Variants in DSE observed in about 807,000 individuals in gnomAD.
DSE encodes the protein dermatan-sulfate epimerase.
DSE carries 36 observed loss-of-function variants against 84.4 expected under a neutral mutation model. The ratio of observed to expected loss-of-function variants is 0.43; its 90% CI spans 0.33 to 0.56. The LOEUF (loss-of-function observed/expected upper bound fraction) is 0.56. Among genes scored for constraint, DSE ranks in the 20% least tolerant of loss-of-function variants. The pLI is 0.06. For missense variants in DSE, 862 were observed against 1,169.6 expected, an observed-to-expected ratio of 0.74 and a Z score of 3.84; for synonymous variants, 410 against 430.1, an observed-to-expected ratio of 0.95 and a Z score of 0.58.
At chr6:116,354,385 T>G (rs1252537470) in intron 2 of DSE, among the ~76,000 whole-genome samples, 1 of 152,262 alleles carries the variant, frequency 6.6e-6, no homozygotes, top group African/African-American at 2.4e-5. Flanking sequence ...TTTTTTCTGG[T>G]ATAAGAAACA....
intron 2 of DSE, among the ~76,000 whole-genome samples, chr6:116,414,650 G>A (rs1782584611): frequency 6.6e-6 from 1 of 152,168 alleles, no homozygotes; most frequent in African/African-American, 2.4e-5. Flanking sequence ...GACCTCAGGT[G>A]ATCCGCCTGC....
chr6:116,369,942 A>G (rs1172831403), upstream of DSE: 1 of 1,289,180 alleles, frequency 7.8e-7, no homozygotes, highest in African/African-American at 1.5e-5. Flanking sequence ...GTATCCTACA[A>G]ATCTTTCACT....
chr6:116,341,554 T>C (rs1777595451), intron 2 of DSE, among the ~76,000 whole-genome samples: 1 of 152,248 alleles, frequency 6.6e-6, no homozygotes, highest in Admixed American at 6.5e-5. Flanking sequence ...GTTTTAGTCA[T>C]AAAGTCCTTG....
chr6:116,428,902 A>G (rs1783623167), intron 3 of DSE, among the ~76,000 whole-genome samples: 1 of 152,224 alleles, frequency 6.6e-6, no homozygotes, highest in Non-Finnish European at 1.5e-5. Flanking sequence ...AATACAGGGT[A>G]TAGCTTCAAT....
chr6:116,372,393 A>G (rs1184761085), intron 1 of DSE, among the ~76,000 whole-genome samples: 4 of 152,192 alleles, frequency 2.6e-5, no homozygotes, highest in African/African-American at 7.2e-5. Context: ...GCGTGAACCC[A>G]GGAGGCGGAG....
intron 2 of DSE, among the ~76,000 whole-genome samples, chr6:116,419,129 C>A (rs752442319): frequency 6.6e-6 from 1 of 152,196 alleles, no homozygotes; most frequent in Non-Finnish European, 1.5e-5. Flanking sequence ...TGACTACCCA[C>A]TCAGAGCCTC....
intron 2 of DSE, among the ~76,000 whole-genome samples, chr6:116,318,862 G>C (rs1196260963): frequency 1.3e-5 from 2 of 152,120 alleles, no homozygotes; most frequent in Non-Finnish European, 2.9e-5. Context: ...AAAGCACATA[G>C]CAGAAATGTC....
At chr6:116,377,031 A>T (rs187006346) in intron 1 of DSE, among the ~76,000 whole-genome samples, 1 of 152,342 alleles carries the variant, frequency 6.6e-6, no homozygotes, top group Admixed American at 6.5e-5. Context: ...GAATAATCAT[A>T]TAGAAATCCC....
chr6:116,279,595 C>T, intron 2 of DSE: 1 of 1,602,034 alleles, frequency 6.2e-7, no homozygotes. Context: ...CTGGGGAGTA[C>T]CGCCACGGCC....
At chr6:116,384,592 A>G (rs753676110) in intron 1 of DSE, among the ~76,000 whole-genome samples, 1 of 152,086 alleles carries the variant, frequency 6.6e-6, no homozygotes, top group Non-Finnish European at 1.5e-5. Context: ...ATTGTAGTAC[A>G]TTTTATCTCC....
chr6:116,406,336 T>A lies in DSE; in HGVS notation c.416+6670T>A, dbSNP rs1000814088. Among the ~76,000 whole-genome samples, 3 of 152,204 alleles carry A rather than the reference T, an allele frequency of 2.0e-5. No individual in the cohort carries two copies. In the South Asian group the frequency reaches 6.2e-4, roughly 31 times the overall value. On this transcript the variant is annotated intron_variant, in intron 2 of 5. Coordinates refer to ENST00000644252, the MANE Select transcript of DSE (RefSeq NM_013352.4). ...CATATGAACAAAGGCAACATGAATA[T>A]ATTAAGTTTCATGTAGTCTTTACAA...
intron 2 of DSE, among the ~76,000 whole-genome samples, chr6:116,297,061 C>G (rs559849200): frequency 2.0e-5 from 3 of 152,198 alleles, no homozygotes; most frequent in African/African-American, 7.2e-5. Flanking sequence ...TGGTAAGACT[C>G]AGAATATGAT....
chr6:116,318,462 A>C (rs920008830), intron 2 of DSE, among the ~76,000 whole-genome samples: 1 of 152,266 alleles, frequency 6.6e-6, no homozygotes, highest in African/African-American at 2.4e-5. Context: ...GAGATGCACC[A>C]CTGCGCTCCA....
At chr6:116,292,407 A>G (rs779812456) in intron 2 of DSE, among the ~76,000 whole-genome samples, 12 of 152,210 alleles carry the variant, frequency 7.9e-5, no homozygotes, top group Non-Finnish European at 1.5e-4. Flanking sequence ...CGGCAGCTAT[A>G]CAGCATGGGT....
At chr6:116,388,093 A>G (rs1456455205) in intron 1 of DSE, among the ~76,000 whole-genome samples, 1 of 152,228 alleles carries the variant, frequency 6.6e-6, no homozygotes, top group Non-Finnish European at 1.5e-5. Context: ...ATCTATATCT[A>G]GAATTGGCTA....
intron 1 of DSE, among the ~76,000 whole-genome samples, chr6:116,379,726 A>G (rs1370415378): frequency 1.3e-5 from 2 of 152,278 alleles, no homozygotes; most frequent in Non-Finnish European, 1.5e-5. Flanking sequence ...TTTAGACTTC[A>G]TGTGGCTTGC....
At chr6:116,407,352 G>A (rs1437418801) in intron 2 of DSE, among the ~76,000 whole-genome samples, 2 of 152,118 alleles carry the variant, frequency 1.3e-5, no homozygotes, top group African/African-American at 2.4e-5. Context: ...AGAAAAGATG[G>A]TTCACTTTTT....
At chr6:116,278,917 G>T (rs747566014) in intron 2 of DSE, 1 of 1,614,054 alleles carries the variant, frequency 6.2e-7, no homozygotes, top group Admixed American at 1.7e-5. Flanking sequence ...CTCTAAATTG[G>T]TTATGTACCT....
chr6:116,354,752 T>A (rs1294638151), intron 2 of DSE, among the ~76,000 whole-genome samples: 1 of 152,202 alleles, frequency 6.6e-6, no homozygotes, highest in African/African-American at 2.4e-5. Context: ...ATTTTCTGTT[T>A]ATTTTCCCAC....
Sources: allele counts gnomAD v4.1 joint callset (sites outside exome capture counted in the v4.1 genomes callset), GRCh38; gene constraint gnomAD v4.1.1; transcripts MANE v1.5; gene names NCBI Gene and HGNC (gene_info 2026-07-23, HGNC 2026-07-21).